The following TEAD3 variants were observed in gnomAD, a reference collection of about 807,000 sequenced individuals.
TEAD3 encodes transcriptional enhancer factor TEF-5.
A neutral mutation model predicts 55.6 loss-of-function variants in TEAD3; 15 were observed. The observed-to-expected ratio is 0.27, with a 90% CI of 0.18 to 0.42. The LOEUF (loss-of-function observed/expected upper bound fraction) is 0.42. Ranked by LOEUF, TEAD3 falls within the 10% of genes least tolerant of loss-of-function variation. The pLI is 1.00. For synonymous variants in TEAD3, 210 were observed against 232.2 expected (o/e 0.90, Z 0.87); for missense variants, 407 against 576.8 (o/e 0.71, Z 3.01).
At position 35,480,378 on chromosome 6, in the gene TEAD3, G is replaced by A. The variant is rs765617788; in HGVS notation, c.268-256C>T. On this transcript the variant is annotated intron_variant, in intron 3 of 12. Transcript: ENST00000639578. ...GAACCTGTATGTGGCTGGACACCTA[G>A]GGGCCGCCCCGCGCCCCGCCAGAGA... 5 of 1,613,866 alleles carry A rather than the reference G, an allele frequency of 3.1e-6. No homozygotes were observed. The highest frequency in any genetic ancestry group is 1.1e-5 in the South Asian group (1 of 91,046).
chr6:35,488,947 C>T lies in TEAD3; in HGVS notation c.-49-2236G>A, dbSNP rs545414159. ...TAATTTTTTGTATTTTTAGTAAAGACGGGGTTTCACCATGTTGGCCAGGCT... is the reference window on the plus strand; with the variant it reads ...TAATTTTTTGTATTTTTAGTAAAGATGGGGTTTCACCATGTTGGCCAGGCT... On this transcript the variant is annotated intron_variant, in intron 1 of 12. Transcript: ENST00000639578. This position sits in a 1 kb window ranked among gnomAD's most constrained non-coding sequence, Gnocchi z 4.2. 7.2e-5 allele frequency among the ~76,000 whole-genome samples: 11 copies of T among 152,178 alleles called. No homozygotes were observed. The highest frequency in any genetic ancestry group is 1.9e-4 in the East Asian group (1 of 5,168).
chr6:35,480,134 GAA>G (rs1479885828), intron 3 of TEAD3, 176 bp downstream of exon 4: 1 of 1,546,254 alleles, frequency 6.5e-7, no homozygotes, highest in Admixed American at 2.0e-5. Context: ...TGTAGAGAGA[GAA>G]AGAAAGAGAA....
intron 3 of TEAD3, 90 bp downstream of exon 4, chr6:35,480,222 T>C (rs1768238364): frequency 9.6e-6 from 15 of 1,562,764 alleles, no homozygotes; most frequent in Middle Eastern, 1.7e-4. Context: ...GCTGGAGAGC[T>C]GGCCAAGGAA....
intron 1 of TEAD3, among the ~76,000 whole-genome samples, chr6:35,495,426 G>A (rs962964036): frequency 1.3e-5 from 2 of 152,154 alleles, no homozygotes; most frequent in African/African-American, 4.8e-5. Context: ...CCTCCCTGGG[G>A]GGGTAGGGGA....
intron 1 of TEAD3, among the ~76,000 whole-genome samples, chr6:35,490,325 G>A (rs1403094072): frequency 6.6e-6 from 1 of 152,126 alleles, no homozygotes; most frequent in Non-Finnish European, 1.5e-5. Context: ...GGCTGGGACC[G>A]CTGGCAGCTG....
chr6:35,473,758 C>T (rs1191106908), downstream of TEAD3: 1 of 147,546 alleles, frequency 6.8e-6, no homozygotes, highest in Non-Finnish European at 1.5e-5. Context: ...ATATAATATA[C>T]ATTATAAAAC....
In TEAD3 at chr6:35,475,079, C is replaced by T; in HGVS notation, c.1273G>A (p.Ala425Thr). The change falls in exon 13 of 13, where the codon GCC becomes ACC. Residue 425 changes from alanine (A) to threonine (T), a missense_variant. Transcript: ENST00000639578. This position sits in a 1 kb window ranked among gnomAD's most constrained non-coding sequence, Gnocchi z 5.4. Reference sequence around the variant, plus strand: ...ACGAGCTTGTAGACATGGTGCTGGGCCCCGTGCTCACTGGTGGAGACTTCG... The same window carrying T: ...ACGAGCTTGTAGACATGGTGCTGGGTCCCGTGCTCACTGGTGGAGACTTCG... 1.3e-6 allele frequency: 2 copies of T among 1,597,290 alleles called. No individual in the cohort carries two copies. The highest frequency in any genetic ancestry group is 1.7e-6 in the Non-Finnish European group (2 of 1,171,640).
chr6:35,486,684 T>G lies in TEAD3; in HGVS notation c.-22A>C, dbSNP rs1376519087. On this transcript the variant is annotated 5_prime_UTR_variant, in exon 2 of 13. Coordinates refer to ENST00000639578, the Ensembl canonical transcript of TEAD3. This position sits in a 1 kb window ranked among gnomAD's most constrained non-coding sequence, Gnocchi z 7.3. Reference sequence around the variant, plus strand: ...CTATTGTGCTGGTTGCTCTGGGCTCTGGGCCTGAGCCCACTGGGCGGCTGA... The same window carrying G: ...CTATTGTGCTGGTTGCTCTGGGCTCGGGGCCTGAGCCCACTGGGCGGCTGA... 2 of 1,608,114 alleles carry G rather than the reference T, an allele frequency of 1.2e-6. No individual in the cohort carries two copies. The highest frequency in any genetic ancestry group is 1.7e-6 in the Non-Finnish European group (2 of 1,177,700).
chr6:35,492,034 C>T (rs537737841), intron 1 of TEAD3, among the ~76,000 whole-genome samples: 65 of 152,300 alleles, frequency 4.3e-4, no homozygotes, highest in African/African-American at 1.4e-3. Flanking sequence ...GGTGAGTGGG[C>T]ACCTCCTGTC....
exon 1 of TEAD3, chr6:35,497,018 C>T (rs2150920482): frequency 6.7e-6 from 1 of 149,810 alleles, no homozygotes; most frequent in African/African-American, 2.4e-5. Context: ...CGGAATGAGC[C>T]GGGCTGGAGC....
chr6:35,480,456 G>A, intron 3 of TEAD3, 82 bp from the exon 4 acceptor site: 1 of 1,457,382 alleles, frequency 6.9e-7, no homozygotes, highest in Non-Finnish European at 9.5e-7. Context: ...CGGGCAAGGA[G>A]CATCCCAGAC....
Position 35,475,227 on chromosome 6 carries a change from G to T in TEAD3, c.1195-70C>A. The T allele has an allele frequency of 6.3e-7, 1 of 1,583,688 alleles. No individual in the cohort carries two copies. The highest frequency in any genetic ancestry group is 8.6e-7 in the Non-Finnish European group (1 of 1,163,446). ...GGGCCACGGGGCAGGGGGCTGAACA[G>T]ACCATTCTCCTTTCCGGATCTATGC... On this transcript the variant is annotated intron_variant, in intron 12 of 12. Coordinates refer to ENST00000639578, the Ensembl canonical transcript of TEAD3. This position sits in a 1 kb window ranked among gnomAD's most constrained non-coding sequence, Gnocchi z 5.4.
chr6:35,475,721 G>C lies in TEAD3; in HGVS notation c.901-15C>G, dbSNP rs776590577. On this transcript the variant is annotated splice_polypyrimidine_tract_variant and intron_variant, in intron 10 of 12. Coordinates refer to ENST00000639578, the Ensembl canonical transcript of TEAD3. This position sits in a 1 kb window ranked among gnomAD's most constrained non-coding sequence, Gnocchi z 5.4. ...TTGAGGTCGGCCTGGGCATGGGGGT[G>C]GGGGGTGTTAGGTGCTGGCAGAGAC... 1.6e-5 allele frequency: 25 copies of C among 1,570,340 alleles called. No individual in the cohort carries two copies. The highest frequency in any genetic ancestry group is 1.2e-5 in the South Asian group (1 of 84,260).
chr6:35,476,181 G>A, intron 9 of TEAD3, 89 bp from the exon 10 acceptor site: 3 of 1,542,512 alleles, frequency 1.9e-6, no homozygotes, highest in Non-Finnish European at 1.7e-6. Context: ...GTATAGAATT[G>A]CCTAGGGCTT....
At position 35,484,686 on chromosome 6, in the gene TEAD3, C is replaced by G; in HGVS notation, c.203-62G>C. ...AAGGGTGGAGCCAGAGGCTGGAGGCCCCCACCCCACCGGGAAGCCACTCCA... is the reference window on the plus strand; with the variant it reads ...AAGGGTGGAGCCAGAGGCTGGAGGCGCCCACCCCACCGGGAAGCCACTCCA... On this transcript the variant is annotated intron_variant, in intron 2 of 12. Transcript: ENST00000639578. The surrounding 1 kb of genome is among the most constrained non-coding windows in gnomAD (Gnocchi z 5.8). The G allele has an allele frequency of 4.1e-6, 6 of 1,467,176 alleles. No individual in the cohort carries two copies. Among genetic ancestry groups the G allele is most frequent in the Non-Finnish European group, 5.6e-6 (6 of 1,070,430 alleles). The allele number at this position is 1,467,176 out of a possible 1,614,324, so 90.9% of individuals were successfully genotyped here.
chr6:35,479,354 T>C, intron 4 of TEAD3, 38 bp from the exon 5 acceptor site: 2 of 1,613,728 alleles, frequency 1.2e-6, no homozygotes, highest in Admixed American at 1.7e-5. Flanking sequence ...AGAGGACATG[T>C]GCAGCACCAG....
In TEAD3 at chr6:35,475,496, G is replaced by A; in HGVS notation, c.1042-8C>T. The stretch of plus-strand genomic sequence containing the variant: ...CAGCCTGGCATACTCAGTCTGCAGA[G>A]AATATGGAGAAGGCGTCACTCGGCC... On this transcript the variant is annotated splice_polypyrimidine_tract_variant and splice_region_variant and intron_variant, in intron 11 of 12. Transcript: ENST00000639578. This position sits in a 1 kb window ranked among gnomAD's most constrained non-coding sequence, Gnocchi z 5.4. 6.2e-7 allele frequency: 1 copy of A among 1,609,468 alleles called. No homozygotes were observed. Among genetic ancestry groups the A allele is most frequent in the Non-Finnish European group, 8.5e-7 (1 of 1,176,296 alleles).
rs1581720598 is a variant in TEAD3 at position 35,475,314 on chromosome 6, A to G, written c.1194+22T>C. Reference sequence around the variant, plus strand: ...GAGGCCCTGGCCTGTGGGACTCCCCACGACCCCTGCTGCCCCCATACCTGC... The same window carrying G: ...GAGGCCCTGGCCTGTGGGACTCCCCGCGACCCCTGCTGCCCCCATACCTGC... On this transcript the variant is annotated intron_variant, in intron 12 of 12. Coordinates refer to ENST00000639578, the Ensembl canonical transcript of TEAD3. This position sits in a 1 kb window ranked among gnomAD's most constrained non-coding sequence, Gnocchi z 5.4. 1.2e-6 allele frequency: 2 copies of G among 1,610,694 alleles called. No individual in the cohort carries two copies. The highest frequency in any genetic ancestry group is 1.3e-5 in the African/African-American group (1 of 74,846).
In TEAD3 at chr6:35,475,435, C is replaced by T. The variant is rs777985013; in HGVS notation, c.1095G>A (p.Ser365=). ...AGTTGATCATGTACTCGCACATGGG[C>T]GAGCGGTGGATACGGTACACAAAGC... Residue 365 remains serine (S), a synonymous_variant, in exon 12 of 13, where the codon TCG becomes TCA. Transcript: ENST00000639578. This position sits in a 1 kb window ranked among gnomAD's most constrained non-coding sequence, Gnocchi z 5.4. 46 of 1,613,824 alleles carry T rather than the reference C, an allele frequency of 2.9e-5. No homozygotes were observed. The highest frequency in any genetic ancestry group is 1.1e-4 in the East Asian group (5 of 44,880).
Sources: allele counts gnomAD v4.1 joint callset (sites outside exome capture counted in the v4.1 genomes callset), GRCh38; gene constraint gnomAD v4.1.1; non-coding constraint Gnocchi (gnomAD v3.1); transcripts MANE v1.5; gene names NCBI Gene and HGNC (gene_info 2026-07-23, HGNC 2026-07-21).